Variants in DEPDC5 observed in about 807,000 individuals in gnomAD.
The protein encoded by DEPDC5 is GATOR1 complex protein DEPDC5.
In DEPDC5, 73 loss-of-function variants were observed where a neutral mutation model predicts 217.3. That is an observed-to-expected ratio of 0.34 (90% CI 0.28 to 0.41). The LOEUF is 0.41. Among genes scored for constraint, DEPDC5 ranks in the 10% least tolerant of loss-of-function variants. The probability of loss-of-function intolerance (pLI) is 1.00; values close to 1 mark genes in which losing one functional copy is unlikely to be tolerated. For missense variants in DEPDC5, 1,675 were observed against 2,070.1 expected (o/e 0.81, Z 3.70); for synonymous variants, 733 against 756.7 (o/e 0.97, Z 0.51).
chr22:31,771,937 C>T (rs1292156217), intron 7 of DEPDC5, among the ~76,000 whole-genome samples: 1 of 151,694 alleles, frequency 6.6e-6, no homozygotes, highest in Non-Finnish European at 1.5e-5. Context: ...GTCATGGTGG[C>T]GCTTGTAGTC....
intron 4 of DEPDC5, 96 bp downstream of exon 4, chr22:31,760,798 ATTCTC>A (rs1402356662): frequency 3.2e-5 from 33 of 1,017,462 alleles, no homozygotes; most frequent in Non-Finnish European, 4.8e-5. Flanking sequence ...AGGGCAAGTA[ATTCTC>A]TTCTTTTTTA....
rs557439372 is a variant in DEPDC5 at position 31,767,757 on chromosome 22, T to C, written c.364-1057T>C. Among the ~76,000 whole-genome samples the C allele has an allele frequency of 6.6e-5, 10 of 151,480 alleles. No homozygotes were observed. In the East Asian group the frequency reaches 1.8e-3, roughly 27 times the overall value. On this transcript the variant is annotated intron_variant, in intron 6 of 42. Coordinates refer to ENST00000651528, the MANE Select transcript of DEPDC5 (RefSeq NM_001242896.3). ...CATTTTTTAATTATTCATTTGTTTA[T>C]TTTTTTTGAGACAGAGTCTCGCTCT...
At chr22:31,856,152 C>CGT (rs1491177587) in intron 31 of DEPDC5, among the ~76,000 whole-genome samples, 5 of 97,228 alleles carry the variant, frequency 5.1e-5, no homozygotes, top group South Asian at 9.7e-4. Context: ...GTTGGGCCAA[C>CGT]GCGCACACAC....
intron 26 of DEPDC5, 57 bp downstream of exon 26, chr22:31,837,212 C>A: frequency 6.4e-7 from 1 of 1,574,744 alleles, no homozygotes; most frequent in Non-Finnish European, 8.7e-7. Flanking sequence ...GGATATATCC[C>A]ACACATGCAT....
intron 10 of DEPDC5, among the ~76,000 whole-genome samples, chr22:31,791,799 C>A (rs557459884): frequency 1.3e-5 from 2 of 150,466 alleles, no homozygotes; most frequent in Non-Finnish European, 3.0e-5. Flanking sequence ...TGGTGGCGTG[C>A]GTCTGTAGTC....
At position 31,815,140 on chromosome 22, in the gene DEPDC5, A is replaced by G. The variant is rs764496748; in HGVS notation, c.1594A>G (p.Ile532Val). The G allele has an allele frequency of 3.8e-5, 61 of 1,614,052 alleles. No individual in the cohort carries two copies. The highest frequency in any genetic ancestry group is 6.7e-5 in the East Asian group (3 of 44,886). Residue 532 changes from isoleucine to valine, a missense_variant, in exon 21 of 43, where the codon ATC becomes GTC. By Grantham distance (29) the Ile-to-Val change is conservative. Coordinates refer to ENST00000651528, the MANE Select transcript of DEPDC5 (RefSeq NM_001242896.3). ...CAGCTCCCTAGGCAAGAGTGCCAAC[A>G]TCCTGATGATCCCACACCCCCACCT... ...DDSSLGKSANILMIPHPHLHQ... is the reference protein window; with the variant it reads ...DDSSLGKSANVLMIPHPHLHQ...
At chr22:31,773,516 T>C (rs894570726) in intron 7 of DEPDC5, among the ~76,000 whole-genome samples, 21 of 152,146 alleles carry the variant, frequency 1.4e-4, no homozygotes, top group Non-Finnish European at 2.2e-4. Flanking sequence ...TTTAGACTTT[T>C]AAAGATCTGT....
intron 25 of DEPDC5, 156 bp from the exon 26 acceptor site, chr22:31,836,816 C>G (rs1427845916): frequency 1.5e-6 from 1 of 646,424 alleles, no homozygotes; most frequent in Admixed American, 2.9e-5. Context: ...TCTCTTTCTC[C>G]CTCCCCTACC....
At chr22:31,901,612 G>A (rs2093649906) in intron 40 of DEPDC5, 130 bp from the exon 41 acceptor site, 3 of 731,576 alleles carry the variant, frequency 4.1e-6, no homozygotes, top group African/African-American at 3.5e-5. Flanking sequence ...AAAGGGCGTA[G>A]TATGGAGAAG....
chr22:31,843,772 T>C lies in DEPDC5; in HGVS notation c.2761T>C (p.Leu921=), dbSNP rs2149009557. 2 of 1,613,848 alleles carry C rather than the reference T, an allele frequency of 1.2e-6. No homozygotes were observed. Among genetic ancestry groups the C allele is most frequent in the Non-Finnish European group, 1.7e-6 (2 of 1,179,740 alleles). ...GCTGGAGGAGTACAAGTGGAATTAC[T>C]TAGATCAGTATATCTGTTCTGCCGG... ...ERLEEYKWNY[L]DQYICSAGSE... Residue 921 remains leucine (L), a synonymous_variant, in exon 29 of 43, where the codon TTA becomes CTA. Coordinates refer to ENST00000651528, the MANE Select transcript of DEPDC5 (RefSeq NM_001242896.3).
intron 22 of DEPDC5, 95 bp from the exon 23 acceptor site, chr22:31,821,407 G>A (rs2089685207): frequency 2.0e-6 from 3 of 1,526,652 alleles, no homozygotes; most frequent in African/African-American, 1.4e-5. Context: ...ACCAACATCT[G>A]TATCCCAGTA....
chr22:31,810,415 G>A (rs2088140095), intron 19 of DEPDC5, 106 bp from the exon 20 acceptor site: 1 of 1,537,196 alleles, frequency 6.5e-7, no homozygotes, highest in South Asian at 1.2e-5. Context: ...GAAGGCCTCT[G>A]TTTGAAATGT....
intron 41 of DEPDC5, among the ~76,000 whole-genome samples, 198 bp downstream of exon 41, chr22:31,902,000 A>G (rs1227489818): frequency 7.2e-5 from 11 of 152,114 alleles, no homozygotes; most frequent in Non-Finnish European, 4.4e-5. Flanking sequence ...TCCTGTAACT[A>G]TTGTTTTTCA....
chr22:31,758,876 AAAT>A (rs915067753), intron 3 of DEPDC5, among the ~76,000 whole-genome samples: 1 of 151,982 alleles, frequency 6.6e-6, no homozygotes, highest in African/African-American at 2.4e-5. Context: ...TTTGATCAAC[AAAT>A]AATTTTTCAA....
intron 27 of DEPDC5, 127 bp from the exon 28 acceptor site, chr22:31,842,968 T>G: frequency 2.8e-6 from 2 of 704,890 alleles, no homozygotes; most frequent in Non-Finnish European, 4.5e-6. Context: ...AAGAATAACT[T>G]TCTTCCATGA....
At chr22:31,889,040 T>C (rs1032566851) in intron 38 of DEPDC5, among the ~76,000 whole-genome samples, 1 of 152,224 alleles carries the variant, frequency 6.6e-6, no homozygotes, top group Non-Finnish European at 1.5e-5. Context: ...CTCTGATTGT[T>C]ACGTAGAGTA....
intron 38 of DEPDC5, among the ~76,000 whole-genome samples, chr22:31,884,117 T>C (rs2093248802): frequency 6.6e-6 from 1 of 152,126 alleles, no homozygotes; most frequent in African/African-American, 2.4e-5. Context: ...ATCATCAGCA[T>C]CTTGTGTCAC....
intron 24 of DEPDC5, among the ~76,000 whole-genome samples, chr22:31,832,088 G>C (rs1278592934): frequency 6.6e-6 from 1 of 152,190 alleles, no homozygotes. Context: ...CATCCACGTT[G>C]CCACGTGTCA....
intron 36 of DEPDC5, 97 bp downstream of exon 36, chr22:31,874,502 G>A: frequency 7.0e-7 from 1 of 1,431,050 alleles, no homozygotes; most frequent in East Asian, 2.5e-5. Context: ...AATGAGATCT[G>A]CAGGTTGGGG....
Sources: gnomAD v4.1 joint callset for allele counts (sites outside exome capture counted in the v4.1 genomes callset) on GRCh38, gnomAD v4.1.1 for gene constraint, MANE v1.5 for transcripts, NCBI Gene and HGNC (gene_info 2026-07-23, HGNC 2026-07-21) for gene names.